DCLK2: variants seen among roughly 807,000 people sequenced by gnomAD.
The protein encoded by DCLK2 is serine/threonine-protein kinase DCLK2.
In DCLK2, 31 loss-of-function variants were observed where a neutral mutation model predicts 78.4. The observed-to-expected ratio is 0.40, with a 90% confidence interval of 0.30 to 0.53. The LOEUF (loss-of-function observed/expected upper bound fraction) is 0.53, where lower values mean the gene tolerates loss of function less well. Ranked by LOEUF, DCLK2 falls within the 20% of genes least tolerant of loss-of-function variation. DCLK2 has a pLI of 0.61. For synonymous variants in DCLK2, 407 were observed against 374.9 expected (o/e 1.09, Z -0.99); for missense variants, 872 against 973.7 (o/e 0.90, Z 1.39).
intron 12 of DCLK2, among the ~76,000 whole-genome samples, chr4:150,243,192 C>CT (rs931678680): frequency 6.2e-4 from 95 of 152,274 alleles, no homozygotes; most frequent in African/African-American, 2.2e-3. Context: ...CGGGGAGCAG[C>CT]TTTTTTGTGG....
At chr4:150,142,385 T>G (rs1191430260) in intron 2 of DCLK2, among the ~76,000 whole-genome samples, 1 of 152,230 alleles carries the variant, frequency 6.6e-6, no homozygotes, top group African/African-American at 2.4e-5. Context: ...TGGTACATAA[T>G]GGTTTCTAAA....
At chr4:150,144,184 A>C (rs1734299009) in intron 2 of DCLK2, among the ~76,000 whole-genome samples, 1 of 152,196 alleles carries the variant, frequency 6.6e-6, no homozygotes, top group African/African-American at 2.4e-5. Flanking sequence ...AGTTTTTCCT[A>C]GGTTTTATTT....
chr4:150,170,271 T>G lies in DCLK2; in HGVS notation c.757-22867T>G, dbSNP rs183217675. 7.2e-5 allele frequency among the ~76,000 whole-genome samples: 11 copies of G among 152,310 alleles called. No homozygotes were observed. In the East Asian group the frequency reaches 2.1e-3, roughly 29 times the overall value. On this transcript the variant is annotated intron_variant, in intron 2 of 15. Coordinates refer to ENST00000296550, the MANE Select transcript of DCLK2 (RefSeq NM_001040260.4). The stretch of plus-strand genomic sequence containing the variant: ...GTTGGCCAGGCTGGTTTTGAACTCC[T>G]GACCTCAGATGATCCACCCACCTCA...
chr4:150,210,303 T>C (rs1288852750), intron 5 of DCLK2, among the ~76,000 whole-genome samples: 3 of 152,176 alleles, frequency 2.0e-5, no homozygotes, highest in Non-Finnish European at 4.4e-5. Context: ...CCAGGTTCCA[T>C]TTTCACGTGA....
chr4:150,181,244 G>T (rs571203000), intron 2 of DCLK2, among the ~76,000 whole-genome samples: 1 of 152,048 alleles, frequency 6.6e-6, no homozygotes, highest in African/African-American at 2.4e-5. Context: ...TGATCCTTAC[G>T]ATGGGGAAGA....
chr4:150,215,094 CAA>C (rs1015698457), intron 5 of DCLK2, among the ~76,000 whole-genome samples: 4 of 151,994 alleles, frequency 2.6e-5, no homozygotes, highest in Admixed American at 6.6e-5. Flanking sequence ...AGATTCTGTT[CAA>C]GTTTGTCCTT....
At chr4:150,184,675 C>T (rs1048642582) in intron 2 of DCLK2, among the ~76,000 whole-genome samples, 2 of 151,322 alleles carry the variant, frequency 1.3e-5, no homozygotes, top group African/African-American at 2.4e-5. Context: ...GATCTCGGCT[C>T]ACTGCAAGCT....
At chr4:150,216,818 C>G (rs1364835574) in intron 5 of DCLK2, among the ~76,000 whole-genome samples, 1 of 152,120 alleles carries the variant, frequency 6.6e-6, no homozygotes, top group Non-Finnish European at 1.5e-5. Context: ...CTTGGCCAAG[C>G]AGAATCAGGA....
intron 2 of DCLK2, among the ~76,000 whole-genome samples, chr4:150,121,837 G>GA (rs572419051): frequency 3.3e-4 from 51 of 152,334 alleles, no homozygotes; most frequent in South Asian, 1.0e-3. Flanking sequence ...TAGCAGGCAT[G>GA]AAAACAACAT....
intron 2 of DCLK2, among the ~76,000 whole-genome samples, chr4:150,139,591 G>A (rs1205135112): frequency 6.6e-6 from 1 of 152,226 alleles, no homozygotes; most frequent in East Asian, 1.9e-4. Flanking sequence ...GAGAAGAGGA[G>A]TTTGTAGTTA....
At chr4:150,193,751 AT>A (rs954478778) in intron 3 of DCLK2, among the ~76,000 whole-genome samples, 14 of 149,240 alleles carry the variant, frequency 9.4e-5, no homozygotes, top group Middle Eastern at 3.5e-3. Flanking sequence ...TGGTAGCAAC[AT>A]TTTTTTTTTA....
chr4:150,195,417 TATATAATATTATATATTATATATATA>T lies in DCLK2; in HGVS notation c.859+2183_859+2208del, dbSNP rs1398619888. On this transcript the variant is annotated intron_variant, in intron 3 of 15. Coordinates refer to ENST00000296550, the MANE Select transcript of DCLK2 (RefSeq NM_001040260.4). The stretch of plus-strand genomic sequence containing the variant: ...ATATAATATTATATATTATATATAT[TATATAATATTATATATTATATATATA>T]ATATATATTAGATATATTATATATT... Among the ~76,000 whole-genome samples, 17 of 6,176 alleles carry T rather than the reference TATATAATATTATATATTATATATATA, an allele frequency of 2.8e-3. 3 individuals are homozygous for T. Among genetic ancestry groups the T allele is most frequent in the East Asian group, 5.1e-3 (3 of 592 alleles). 4.1% of individuals were successfully genotyped at this position (6,176 alleles called of 152,430 possible). A position where few individuals can be genotyped will look rare whatever the true frequency, so the allele number is the denominator to read the frequency against.
chr4:150,186,839 G>A (rs1737975216), intron 2 of DCLK2, among the ~76,000 whole-genome samples: 1 of 151,968 alleles, frequency 6.6e-6, no homozygotes, highest in Non-Finnish European at 1.5e-5. Flanking sequence ...GCTGCAGTGA[G>A]CTGTGATCGT....
intron 1 of DCLK2, among the ~76,000 whole-genome samples, chr4:150,093,371 A>G (rs1249403356): frequency 6.6e-6 from 1 of 152,216 alleles, no homozygotes; most frequent in Non-Finnish European, 1.5e-5. Flanking sequence ...AATTATGAAA[A>G]TCCCAATGAC....
Position 150,212,816 on chromosome 4 carries a change from A to C in DCLK2, c.1057-7887A>C, listed in dbSNP as rs139548529. ...TTGAATACAACTGGCATATGTGTTAAACTTAAATGCCCCATTATTCATGAA... is the reference window on the plus strand; with the variant it reads ...TTGAATACAACTGGCATATGTGTTACACTTAAATGCCCCATTATTCATGAA... On this transcript the variant is annotated intron_variant, in intron 5 of 15. Transcript: ENST00000296550. 1.8e-3 allele frequency among the ~76,000 whole-genome samples: 271 copies of C among 152,350 alleles called. 3 individuals are homozygous for C. Among genetic ancestry groups the C allele is most frequent in the African/African-American group, 6.2e-3 (258 of 41,590 alleles).
chr4:150,184,327 A>G (rs1027794225), intron 2 of DCLK2, among the ~76,000 whole-genome samples: 1 of 152,254 alleles, frequency 6.6e-6, no homozygotes, highest in Admixed American at 6.5e-5. Context: ...CTATGTAGCC[A>G]CTTAAAATAG....
intron 8 of DCLK2, among the ~76,000 whole-genome samples, chr4:150,228,162 G>A (rs750114460): frequency 2.2e-4 from 33 of 152,048 alleles, no homozygotes; most frequent in African/African-American, 4.8e-4. Flanking sequence ...CCCTCTCCCC[G>A]CCACAATCCA....
At chr4:150,230,095 C>T (rs577377621) in intron 8 of DCLK2, among the ~76,000 whole-genome samples, 1 of 152,238 alleles carries the variant, frequency 6.6e-6, no homozygotes, top group East Asian at 1.9e-4. Context: ...GCTAACAGCT[C>T]CCATGTTTTA....
At chr4:150,231,317 G>A (rs558242559) in intron 8 of DCLK2, among the ~76,000 whole-genome samples, 8 of 152,282 alleles carry the variant, frequency 5.3e-5, no homozygotes, top group Admixed American at 2.0e-4. Flanking sequence ...ACTGTCACTC[G>A]CTAAGATTTA....
Sources: gnomAD v4.1 joint callset for allele counts (sites outside exome capture counted in the v4.1 genomes callset) on GRCh38, gnomAD v4.1.1 for gene constraint, MANE v1.5 for transcripts, NCBI Gene and HGNC (gene_info 2026-07-23, HGNC 2026-07-21) for gene names.